The following SACS variants were observed in gnomAD, a reference collection of about 807,000 sequenced individuals.
SACS encodes sacsin molecular chaperone, also known as sacsin.
Under a neutral mutation model 348.0 loss-of-function variants are expected in SACS, and 197 were observed. The observed-to-expected ratio is 0.57, with a 90% CI of 0.50 to 0.64. The LOEUF is 0.64. Ranked by LOEUF, SACS falls within the 30% of genes least tolerant of loss-of-function variation. SACS has a pLI of 0.00. For synonymous variants in SACS, 1,985 were observed against 1,910.6 expected, an observed-to-expected ratio of 1.04 and a Z score of -1.02; for missense variants, 4,999 against 5,360.8, an observed-to-expected ratio of 0.93 and a Z score of 2.11.
At chr13:23,407,192 T>C (rs1873261496) in intron 2 of SACS, among the ~76,000 whole-genome samples, 1 of 152,190 alleles carries the variant, frequency 6.6e-6, no homozygotes, top group South Asian at 2.1e-4. Flanking sequence ...ATCTTTGTTT[T>C]TCTTTTTATT....
At chr13:23,407,176 C>T (rs1010116319) in intron 2 of SACS, among the ~76,000 whole-genome samples, 1 of 152,136 alleles carries the variant, frequency 6.6e-6, no homozygotes, top group African/African-American at 2.4e-5. Context: ...TCTGCTCTAC[C>T]CATGCATCTT....
intron 9 of SACS, among the ~76,000 whole-genome samples, chr13:23,349,828 G>A (rs1413389538): frequency 6.6e-6 from 1 of 152,166 alleles, no homozygotes; most frequent in Non-Finnish European, 1.5e-5. Flanking sequence ...CAATAGAGGA[G>A]TGAAGTTTAA....
chr13:23,402,856 T>C (rs1873038257), intron 2 of SACS, among the ~76,000 whole-genome samples: 1 of 152,160 alleles, frequency 6.6e-6, no homozygotes, highest in Non-Finnish European at 1.5e-5. Context: ...GTTCTTAGCA[T>C]GGCTTCCTAA....
chr13:23,409,900 A>G (rs1873413030), intron 2 of SACS, among the ~76,000 whole-genome samples: 1 of 152,230 alleles, frequency 6.6e-6, no homozygotes, highest in African/African-American at 2.4e-5. Context: ...TTTTAGATGC[A>G]TCAAATCAAT....
intron 9 of SACS, among the ~76,000 whole-genome samples, chr13:23,344,697 T>G (rs904540832): frequency 6.6e-6 from 1 of 152,234 alleles, no homozygotes; most frequent in Non-Finnish European, 1.5e-5. Flanking sequence ...ATGGTTTTTG[T>G]AGCCTTAAAA....
chr13:23,397,144 C>G (rs532730428), intron 2 of SACS, among the ~76,000 whole-genome samples: 2 of 140,036 alleles, frequency 1.4e-5, no homozygotes, highest in South Asian at 4.9e-4. Flanking sequence ...CTTCCTAGTT[C>G]TCTCTGTTAA....
Position 23,404,189 on chromosome 13 carries a change from T to C in SACS, c.20+7031A>G, listed in dbSNP as rs551194201. 5.3e-5 allele frequency among the ~76,000 whole-genome samples: 8 copies of C among 152,326 alleles called. No homozygotes were observed. The South Asian group carries it at 1.0e-3, about 20-fold the overall frequency. ...ATTATGTGGTCAATTTTAAGTGCGATGTAGTGCTGAGAAGAATGTATATTC... is the reference window on the plus strand; with the variant it reads ...ATTATGTGGTCAATTTTAAGTGCGACGTAGTGCTGAGAAGAATGTATATTC... On this transcript the variant is annotated intron_variant, in intron 2 of 9. Coordinates refer to ENST00000382292, the MANE Select transcript of SACS (RefSeq NM_014363.6).
chr13:23,379,520 G>A (rs117927738), intron 2 of SACS, among the ~76,000 whole-genome samples: 50 of 152,282 alleles, frequency 3.3e-4, no homozygotes, highest in South Asian at 1.0e-3. Context: ...ACAGGGAGCA[G>A]GCAAAGGGAT....
intron 8 of SACS, 144 bp from the exon 9 acceptor site, chr13:23,354,020 A>G: frequency 1.5e-6 from 1 of 652,586 alleles, no homozygotes. Context: ...AAATTACAAT[A>G]TTTTTGATCA....
Position 23,375,304 on chromosome 13 carries a change from G to C in SACS, c.21-35C>G, listed in dbSNP as rs985904083. On this transcript the variant is annotated intron_variant, in intron 2 of 9. Transcript: ENST00000382292. ...GCAGAGGGACGCTCAGTCGGGCTGCGGCTGCCACCCGCCCGCCCAGCGCCC... is the reference window on the plus strand; with the variant it reads ...GCAGAGGGACGCTCAGTCGGGCTGCCGCTGCCACCCGCCCGCCCAGCGCCC... 2.9e-6 allele frequency: 4 copies of C among 1,391,684 alleles called. No homozygotes were observed. The South Asian group carries it at 6.7e-5, about 23-fold the overall frequency. The allele number at this position is 1,391,684 out of a possible 1,614,324, so 86.2% of individuals were successfully genotyped here.
At chr13:23,350,751 G>A (rs1015871938) in intron 9 of SACS, among the ~76,000 whole-genome samples, 5 of 152,080 alleles carry the variant, frequency 3.3e-5, no homozygotes, top group Admixed American at 3.3e-4. Flanking sequence ...ATATATGAAG[G>A]GGGCTCCATA....
intron 2 of SACS, among the ~76,000 whole-genome samples, chr13:23,388,469 T>C (rs1872393777): frequency 7.5e-6 from 1 of 133,446 alleles, no homozygotes. Flanking sequence ...ATATAAAATA[T>C]AAAAATATGG....
At chr13:23,374,911 G>A (rs1253379762) in intron 3 of SACS, among the ~76,000 whole-genome samples, 2 of 150,676 alleles carry the variant, frequency 1.3e-5, no homozygotes, top group African/African-American at 2.4e-5. Context: ...TGAAGATTCA[G>A]ATGAAATGAT....
At position 23,341,194 on chromosome 13, in the gene SACS, C is replaced by A. The variant is rs369958174; in HGVS notation, c.2682G>T (p.Ser894=). ...PLQKLCNQIT[S]LLPTHKDALR... ...GGGCATCTTTGTGTGTTGGAAGTAG[C>A]GAAGTTATTTGATTACACAATTTCT... The change falls in exon 10 of 10, where the codon TCG becomes TCT. Residue 894 remains serine (S), a synonymous_variant. Coordinates refer to ENST00000382292, the MANE Select transcript of SACS (RefSeq NM_014363.6). The A allele has an allele frequency of 1.2e-6, 2 of 1,613,578 alleles. No individual in the cohort carries two copies. The highest frequency in any genetic ancestry group is 1.7e-5 in the Admixed American group (1 of 60,022).
chr13:23,418,837 G>A (rs542737650), intron 1 of SACS: 1 of 152,344 alleles, frequency 6.6e-6, no homozygotes, highest in African/African-American at 2.4e-5. Flanking sequence ...CATTGCATTT[G>A]TGACTATCAA....
Position 23,355,817 on chromosome 13 carries a change from A to G in SACS, c.795T>C (p.Asn265=), listed in dbSNP as rs1870345891. ...GSTKETFING[N]FPGTFFRFPL... ...GGAAACGGAAAAATGTTCCTGGAAA[A>G]TTGCCGTTTATAAATGTTTCCTTGG... The change falls in exon 8 of 10, where the codon AAT becomes AAC. Residue 265 remains asparagine, a synonymous_variant. Coordinates refer to ENST00000382292, the MANE Select transcript of SACS (RefSeq NM_014363.6). 6.2e-7 allele frequency: 1 copy of G among 1,614,102 alleles called. No homozygotes were observed. Among genetic ancestry groups the G allele is most frequent in the African/African-American group, 1.3e-5 (1 of 74,930 alleles).
Position 23,367,361 on chromosome 13 carries a change from A to G in SACS, c.345+1041T>C, listed in dbSNP as rs569207676. Among the ~76,000 whole-genome samples the G allele has an allele frequency of 1.5e-4, 23 of 152,324 alleles. No homozygotes were observed. In the East Asian group the frequency reaches 2.5e-3, roughly 17 times the overall value. On this transcript the variant is annotated intron_variant, in intron 5 of 9. Transcript: ENST00000382292. ...CCTGAGCATGACTCTCTTAAATTAA[A>G]GAGACCTAGTCCTGATTCCCTCACA... is the stretch of plus-strand genomic sequence containing the variant.
intron 1 of SACS, among the ~76,000 whole-genome samples, chr13:23,432,088 G>A (rs942244536): frequency 1.5e-4 from 23 of 152,224 alleles, no homozygotes; most frequent in African/African-American, 5.5e-4. Context: ...CAGAAGTTAT[G>A]TGGATTGTCA....
In SACS at chr13:23,375,279, G is replaced by T; in HGVS notation, c.21-10C>A. The T allele has an allele frequency of 6.9e-7, 1 of 1,442,978 alleles. No homozygotes were observed. Among genetic ancestry groups the T allele is most frequent in the South Asian group, 1.4e-5 (1 of 69,440 alleles). The allele number at this position is 1,442,978 out of a possible 1,614,324, so 89.4% of individuals were successfully genotyped here. ...GGTCACCGGGACCCACCTGTGGAAA[G>T]CAGAGGGACGCTCAGTCGGGCTGCG... On this transcript the variant is annotated splice_polypyrimidine_tract_variant and intron_variant, in intron 2 of 9. Coordinates refer to ENST00000382292, the MANE Select transcript of SACS (RefSeq NM_014363.6).
Sources: gnomAD v4.1 joint callset for allele counts (sites outside exome capture counted in the v4.1 genomes callset) on GRCh38, gnomAD v4.1.1 for gene constraint, MANE v1.5 for transcripts, NCBI Gene and HGNC (gene_info 2026-07-23, HGNC 2026-07-21) for gene names.